NRXN3: variants seen among roughly 807,000 people sequenced by gnomAD.
The protein encoded by NRXN3 is neurexin 3.
A neutral mutation model predicts 137.6 loss-of-function variants in NRXN3; 32 were observed. The observed-to-expected ratio is 0.23, with a 90% confidence interval of 0.18 to 0.31. NRXN3 has a LOEUF of 0.31. NRXN3 is among the 10% of genes least tolerant of loss of function. The probability of loss-of-function intolerance (pLI) is 1.00; values close to 1 mark genes in which losing one functional copy is unlikely to be tolerated. For synonymous variants in NRXN3, 798 were observed against 784.5 expected, an observed-to-expected ratio of 1.02 and a Z score of -0.29; for missense variants, 1,574 against 2,062.5, an observed-to-expected ratio of 0.76 and a Z score of 4.59.
intron 15 of NRXN3, among the ~76,000 whole-genome samples, chr14:79,153,792 A>C (rs1047292179): frequency 2.0e-5 from 3 of 151,900 alleles, no homozygotes; most frequent in African/African-American, 7.2e-5. Flanking sequence ...GCATTTTTTA[A>C]ATTTATCCAG....
At chr14:78,274,738 T>C (rs2073329098) in intron 2 of NRXN3, among the ~76,000 whole-genome samples, 1 of 152,250 alleles carries the variant, frequency 6.6e-6, no homozygotes, top group Non-Finnish European at 1.5e-5. Context: ...CTGGTTGTGA[T>C]GCTGAAGAGA....
intron 16 of NRXN3, among the ~76,000 whole-genome samples, chr14:79,471,363 C>A (rs927421700): frequency 6.6e-6 from 1 of 152,200 alleles, no homozygotes; most frequent in Non-Finnish European, 1.5e-5. Flanking sequence ...ATGTCTGCCA[C>A]ATGTGCCGAT....
intron 20 of NRXN3, among the ~76,000 whole-genome samples, chr14:79,822,862 A>T (rs1317491712): frequency 6.6e-6 from 1 of 152,206 alleles, no homozygotes; most frequent in Non-Finnish European, 1.5e-5. Context: ...CCCTAGGATA[A>T]ATATAACTAG....
intron 15 of NRXN3, among the ~76,000 whole-genome samples, chr14:79,183,923 G>A (rs1021255942): frequency 3.3e-5 from 5 of 152,190 alleles, no homozygotes; most frequent in Admixed American, 2.6e-4. Flanking sequence ...CAACAGGTCT[G>A]AGATCATAGG....
chr14:79,614,367 A>G (rs533330821), intron 16 of NRXN3, among the ~76,000 whole-genome samples: 1 of 144,590 alleles, frequency 6.9e-6, no homozygotes, highest in East Asian at 2.0e-4. Flanking sequence ...GGACATGGCC[A>G]AAGATGGCCT....
intron 3 of NRXN3, among the ~76,000 whole-genome samples, chr14:78,292,087 C>T (rs1189684247): frequency 6.6e-6 from 1 of 152,218 alleles, no homozygotes; most frequent in Non-Finnish European, 1.5e-5. Context: ...CCTTCAACTT[C>T]TGGCCTGGTT....
chr14:79,710,652 G>A (rs113416253), intron 19 of NRXN3, among the ~76,000 whole-genome samples: 1 of 152,162 alleles, frequency 6.6e-6, no homozygotes, highest in East Asian at 1.9e-4. Flanking sequence ...TAACTGAGGT[G>A]CCCCCATGTT....
intron 15 of NRXN3, among the ~76,000 whole-genome samples, chr14:79,359,527 T>C (rs2093610051): frequency 6.6e-6 from 1 of 152,000 alleles, no homozygotes. Context: ...ATTAATTTCA[T>C]TGGAGTTACT....
intron 4 of NRXN3, among the ~76,000 whole-genome samples, chr14:78,469,802 C>T (rs755820541): frequency 3.3e-5 from 5 of 152,206 alleles, no homozygotes; most frequent in Admixed American, 6.5e-5. Context: ...ACAACTTCCA[C>T]CATTTCCTTT....
chr14:78,431,531 A>G (rs761015173), intron 4 of NRXN3, among the ~76,000 whole-genome samples: 5 of 152,186 alleles, frequency 3.3e-5, no homozygotes, highest in Non-Finnish European at 7.3e-5. Flanking sequence ...AGAAATAAGT[A>G]TAAATCTTTT....
intron 10 of NRXN3, among the ~76,000 whole-genome samples, chr14:78,908,413 G>T (rs1368455854): frequency 6.6e-6 from 1 of 151,956 alleles, no homozygotes; most frequent in Non-Finnish European, 1.5e-5. Context: ...TGTCTCACCA[G>T]TCAGCTTTTT....
chr14:79,788,210 A>G (rs1410320758), intron 19 of NRXN3, among the ~76,000 whole-genome samples: 1 of 152,164 alleles, frequency 6.6e-6, no homozygotes. Context: ...CAAGAACAGC[A>G]TGGGAAAAAC....
chr14:79,647,036 C>T (rs916358012), intron 16 of NRXN3, among the ~76,000 whole-genome samples: 6 of 135,422 alleles, frequency 4.4e-5, no homozygotes, highest in Non-Finnish European at 8.6e-5. Context: ...AATCCGTTCT[C>T]CCATCCAACT....
intron 10 of NRXN3, among the ~76,000 whole-genome samples, chr14:78,823,793 C>A (rs2098958130): frequency 6.6e-6 from 1 of 151,946 alleles, no homozygotes; most frequent in African/African-American, 2.4e-5. Flanking sequence ...GAGAACCATG[C>A]AAATGTGCAA....
intron 15 of NRXN3, among the ~76,000 whole-genome samples, chr14:79,264,557 T>TGTGTGC (rs1491095998): frequency 8.1e-6 from 1 of 122,816 alleles, no homozygotes; most frequent in Non-Finnish European, 1.8e-5. Flanking sequence ...TGTGTGTGTG[T>TGTGTGC]GCGCGCGTGC....
intron 10 of NRXN3, among the ~76,000 whole-genome samples, chr14:78,914,064 T>C (rs1483738923): frequency 6.6e-6 from 1 of 152,200 alleles, no homozygotes; most frequent in East Asian, 1.9e-4. Flanking sequence ...TCTTTGGATT[T>C]GTGAAATCCA....
intron 16 of NRXN3, among the ~76,000 whole-genome samples, chr14:79,596,809 C>T (rs745749608): frequency 1.4e-4 from 21 of 152,090 alleles, no homozygotes; most frequent in Non-Finnish European, 2.4e-4. Context: ...GTCATGCTGA[C>T]GTTAGCCATT....
intron 10 of NRXN3, among the ~76,000 whole-genome samples, chr14:78,943,308 C>T (rs950160015): frequency 8.6e-5 from 13 of 151,822 alleles, no homozygotes; most frequent in Non-Finnish European, 1.5e-4. Flanking sequence ...TTATGCTTGG[C>T]GATTTGCAGA....
At chr14:79,829,965 T>C (rs1245894755) in intron 20 of NRXN3, among the ~76,000 whole-genome samples, 2 of 152,248 alleles carry the variant, frequency 1.3e-5, no homozygotes. Context: ...AGAGCTTGTT[T>C]ATCTGTCTGC....
Sources: gnomAD v4.1 joint callset for allele counts (sites outside exome capture counted in the v4.1 genomes callset) on GRCh38, gnomAD v4.1.1 for gene constraint, MANE v1.5 for transcripts, NCBI Gene and HGNC (gene_info 2026-07-23, HGNC 2026-07-21) for gene names.